GSPT1: variants seen among roughly 807,000 people sequenced by gnomAD.
GSPT1 encodes the protein eukaryotic peptide chain release factor GTP-binding subunit ERF3A.
In GSPT1, 20 loss-of-function variants were observed where a neutral mutation model predicts 72.5. The observed-to-expected ratio is 0.28, with a 90% CI of 0.19 to 0.40. The LOEUF (loss-of-function observed/expected upper bound fraction) is 0.40. Among genes scored for constraint, GSPT1 ranks in the 10% least tolerant of loss-of-function variants. The pLI is 1.00. For synonymous variants in GSPT1, 334 were observed against 293.5 expected (o/e 1.14, Z -1.41); for missense variants, 580 against 811.9 (o/e 0.71, Z 3.47).
intron 6 of GSPT1, 82 bp downstream of exon 6, chr16:11,890,980 A>C (rs1479700327): frequency 5.9e-6 from 4 of 673,886 alleles, no homozygotes; most frequent in Non-Finnish European, 1.0e-5. Context: ...TCAACAATTT[A>C]TATTTTAACA....
intron 1 of GSPT1, among the ~76,000 whole-genome samples, chr16:11,912,505 G>A (rs2054573393): frequency 6.6e-6 from 1 of 152,160 alleles, no homozygotes; most frequent in Admixed American, 6.5e-5. Flanking sequence ...AGTAAGTACT[G>A]AGGGCTGCTG....
intron 1 of GSPT1, among the ~76,000 whole-genome samples, chr16:11,902,365 C>G (rs112675446): frequency 0.013 from 1,718 of 129,612 alleles, 37 homozygotes; most frequent in African/African-American, 0.049. Flanking sequence ...CTGGGTGACA[C>G]GACTCTGTCT....
Position 11,915,596 on chromosome 16 carries a change from C to T in GSPT1, c.125G>A (p.Gly42Asp). ...CAGGGAGCCGCCGCCGCCGCAAGGG[C>T]CCGGCCCGGGGGCTTCCATGTCCGC... ...DQADMEAPGP[G>D]PCGGGGSLAA... The change falls in exon 1 of 15, where the codon GGC becomes GAC. Residue 42 changes from glycine (G) to aspartate (D), a missense_variant. By Grantham distance (94) the Gly-to-Asp change is moderately conservative. Coordinates refer to ENST00000434724, the MANE Select transcript of GSPT1 (RefSeq NM_002094.4). 1 of 1,489,596 alleles carries T rather than the reference C, an allele frequency of 6.7e-7. No individual in the cohort carries two copies. Among genetic ancestry groups the T allele is most frequent in the Non-Finnish European group, 8.9e-7 (1 of 1,121,718 alleles). 92.3% of individuals were successfully genotyped at this position (1,489,596 alleles called of 1,614,324 possible).
chr16:11,871,663 G>A lies in GSPT1; in HGVS notation c.*1456C>T, dbSNP rs1304269499. The A allele has an allele frequency of 1.3e-5, 2 of 152,054 alleles. No homozygotes were observed. Among genetic ancestry groups the A allele is most frequent in the Admixed American group, 6.6e-5 (1 of 15,266 alleles). The allele number at this position is 152,054 out of a possible 1,614,324, so 9.4% of individuals were successfully genotyped here. A position where few individuals can be genotyped will look rare whatever the true frequency, so the allele number is the denominator to read the frequency against. ...TCTTTTCTGAGGAGCAAAATTATAG[G>A]GAAGAGACTTGTCATTAAATATACA... On this transcript the variant is annotated 3_prime_UTR_variant, in exon 15 of 15. Transcript: ENST00000434724.
chr16:11,903,377 C>T (rs1056773132), intron 1 of GSPT1, among the ~76,000 whole-genome samples: 17 of 152,192 alleles, frequency 1.1e-4, no homozygotes, highest in Admixed American at 9.2e-4. Flanking sequence ...AGGGTGATGA[C>T]AGGTGCCTAT....
At chr16:11,901,582 C>T (rs2054406222) in intron 1 of GSPT1, among the ~76,000 whole-genome samples, 2 of 151,478 alleles carry the variant, frequency 1.3e-5, no homozygotes, top group Admixed American at 6.6e-5. Flanking sequence ...TTGAGACCAG[C>T]CTGGGCAACA....
intron 11 of GSPT1, chr16:11,880,202 C>T (rs560752402): frequency 4.6e-5 from 7 of 152,212 alleles, no homozygotes; most frequent in Non-Finnish European, 7.3e-5. Context: ...TATTCTATTA[C>T]GTGTATGTAA....
chr16:11,895,401 A>C (rs2054321797), intron 4 of GSPT1: 1 of 147,792 alleles, frequency 6.8e-6, no homozygotes, highest in Non-Finnish European at 1.5e-5. Flanking sequence ...ATTGCACTCC[A>C]GCCTGGGCGA....
intron 1 of GSPT1, among the ~76,000 whole-genome samples, chr16:11,898,616 T>A (rs905418396): frequency 3.3e-5 from 5 of 152,094 alleles, no homozygotes; most frequent in African/African-American, 1.2e-4. Context: ...CATGCCCGGC[T>A]AATTTTGTAT....
intron 6 of GSPT1, among the ~76,000 whole-genome samples, chr16:11,890,182 G>A (rs893594975): frequency 1.3e-5 from 2 of 150,730 alleles, no homozygotes; most frequent in African/African-American, 4.9e-5. Context: ...GGATGGTCTC[G>A]ATCTCCTGAC....
At chr16:11,909,172 G>C (rs1030151666) in intron 1 of GSPT1, among the ~76,000 whole-genome samples, 3 of 151,806 alleles carry the variant, frequency 2.0e-5, no homozygotes, top group Non-Finnish European at 4.4e-5. Flanking sequence ...TGTTAGGTCA[G>C]GTGCTCGGGA....
rs1251610334 is a variant in GSPT1 at position 11,915,732 on chromosome 16, C to G, written c.-12G>C. ...CTGCCCGGATCCATGATCGGGGGGG[C>G]CGTGTGTGTGGTGGACAGAGAGCGG... On this transcript the variant is annotated 5_prime_UTR_variant, in exon 1 of 15. Coordinates refer to ENST00000434724, the MANE Select transcript of GSPT1 (RefSeq NM_002094.4). The G allele has an allele frequency of 6.6e-7, 1 of 1,520,560 alleles. No homozygotes were observed. The highest frequency in any genetic ancestry group is 1.2e-5 in the South Asian group (1 of 84,424). The allele number at this position is 1,520,560 out of a possible 1,614,324, so 94.2% of individuals were successfully genotyped here. A position where few individuals can be genotyped will look rare whatever the true frequency, so the allele number is the denominator to read the frequency against.
intron 7 of GSPT1, among the ~76,000 whole-genome samples, chr16:11,887,291 C>A (rs2054197072): frequency 6.6e-6 from 1 of 151,942 alleles, no homozygotes; most frequent in Non-Finnish European, 1.5e-5. Context: ...CATTTTTTAC[C>A]CATGGTGCCT....
intron 5 of GSPT1, 76 bp from the exon 6 acceptor site, chr16:11,891,215 T>C (rs1391427160): frequency 9.7e-6 from 7 of 722,634 alleles, no homozygotes; most frequent in East Asian, 5.9e-5. Flanking sequence ...AACGTGAAAA[T>C]TGTCGAAAAT....
Position 11,869,802 on chromosome 16 carries a change from G to C in GSPT1, c.*3317C>G, listed in dbSNP as rs1204225190. ...GTCATTACTAGTGTTCCTGCAGATCGCCAAGGGAGCTTAGCTGATTTTTTT... is the reference window on the plus strand; with the variant it reads ...GTCATTACTAGTGTTCCTGCAGATCCCCAAGGGAGCTTAGCTGATTTTTTT... On this transcript the variant is annotated 3_prime_UTR_variant, in exon 15 of 15. Coordinates refer to ENST00000434724, the MANE Select transcript of GSPT1 (RefSeq NM_002094.4). The C allele has an allele frequency of 6.6e-6, 1 of 152,172 alleles. No individual in the cohort carries two copies. The highest frequency in any genetic ancestry group is 1.5e-5 in the Non-Finnish European group (1 of 68,020). 9.4% of individuals were successfully genotyped at this position (152,172 alleles called of 1,614,324 possible).
At chr16:11,887,020 AG>A in intron 7 of GSPT1, 89 bp from the exon 8 acceptor site, 19 of 581,202 alleles carry the variant, frequency 3.3e-5, no homozygotes, top group East Asian at 4.1e-5. Context: ...TTATATCACG[AG>A]TTTTTTTTTT....
chr16:11,874,422 G>A (rs915918832), intron 14 of GSPT1, among the ~76,000 whole-genome samples: 4 of 147,402 alleles, frequency 2.7e-5, no homozygotes, highest in Admixed American at 2.1e-4. Flanking sequence ...AAAACCCATT[G>A]GGTCTTGTGG....
intron 7 of GSPT1, 107 bp from the exon 8 acceptor site, chr16:11,887,038 T>TG (rs2054193879): frequency 3.5e-6 from 3 of 852,712 alleles, no homozygotes; most frequent in Non-Finnish European, 5.4e-6. Context: ...TTTTTTTTTT[T>TG]GCAAGAAAAT....
chr16:11,897,812 G>A (rs755264709), intron 3 of GSPT1, 28 bp downstream of exon 3: 1 of 1,182,830 alleles, frequency 8.5e-7, no homozygotes, highest in South Asian at 1.3e-5. Flanking sequence ...TCATATTACT[G>A]TATTAATATG....
Sources: gnomAD v4.1 joint callset for allele counts (sites outside exome capture counted in the v4.1 genomes callset) on GRCh38, gnomAD v4.1.1 for gene constraint, MANE v1.5 for transcripts, NCBI Gene and HGNC (gene_info 2026-07-23, HGNC 2026-07-21) for gene names.